DST: variants seen among roughly 807,000 people sequenced by gnomAD.
DST encodes bullous pemphigoid antigen.
DST carries 253 observed loss-of-function variants against 875.2 expected under a neutral mutation model. The observed-to-expected ratio is 0.29, with a 90% CI of 0.26 to 0.32. DST has a LOEUF of 0.32. Among genes scored for constraint, DST ranks in the 10% least tolerant of loss-of-function variants. The pLI, the probability that DST is intolerant of heterozygous loss-of-function variation, is 1.00. For synonymous variants in DST, 3,124 were observed against 3,197.1 expected (o/e 0.98, Z 0.77); for missense variants, 8,287 against 9,111.6 (o/e 0.91, Z 3.68).
At chr6:56,669,285 A>C (rs937434582) in intron 10 of DST, among the ~76,000 whole-genome samples, 9 of 148,082 alleles carry the variant, frequency 6.1e-5, no homozygotes, top group Non-Finnish European at 1.3e-4. Context: ...TATTTGTAAA[A>C]CCAAAAAAAA....
At chr6:56,889,767 G>A (rs1437023579) in intron 3 of DST, among the ~76,000 whole-genome samples, 2 of 152,140 alleles carry the variant, frequency 1.3e-5, no homozygotes, top group Non-Finnish European at 2.9e-5. Context: ...GGGTCTGAAA[G>A]TTGTACATTA....
chr6:56,639,661 T>A (rs1205920993), intron 20 of DST, 35 bp downstream of exon 20: 9 of 1,612,298 alleles, frequency 5.6e-6, no homozygotes, highest in Non-Finnish European at 7.6e-6. Context: ...CAAATATAGA[T>A]AAGGGAAACA....
intron 49 of DST, among the ~76,000 whole-genome samples, chr6:56,587,530 G>A (rs1369383900): frequency 1.3e-5 from 2 of 152,018 alleles, no homozygotes; most frequent in Admixed American, 1.3e-4. Context: ...AGCAAGGCAG[G>A]CCAACATTCA....
chr6:56,703,792 C>A (rs964927539), intron 6 of DST, 46 bp from the exon 7 acceptor site: 4 of 700,992 alleles, frequency 5.7e-6, no homozygotes, highest in Non-Finnish European at 7.0e-6. Flanking sequence ...AGACACAAGA[C>A]AGACCAGAAA....
At chr6:56,871,127 A>T in intron 3 of DST, 1 of 608,560 alleles carries the variant, frequency 1.6e-6, no homozygotes, top group East Asian at 2.8e-5. Flanking sequence ...AAAAGATATA[A>T]ACATATGAAA....
intron 50 of DST, 135 bp downstream of exon 50, chr6:56,578,679 C>A (rs1314860239): frequency 1.1e-6 from 1 of 875,694 alleles, no homozygotes; most frequent in Admixed American, 2.8e-5. Flanking sequence ...TTCCCAGATG[C>A]AGGAACACCA....
intron 98 of DST, among the ~76,000 whole-genome samples, chr6:56,468,099 G>C (rs2094678185): frequency 6.6e-6 from 1 of 152,018 alleles, no homozygotes; most frequent in Non-Finnish European, 1.5e-5. Context: ...AAATGGAGTG[G>C]CAGAGTCATA....
rs75902303 is a variant in DST, at chr6:56,701,658, A to G, written c.954+230T>C. Among the ~76,000 whole-genome samples the G allele has an allele frequency of 4.6e-5, 7 of 152,318 alleles. No homozygotes were observed. In the East Asian group the frequency reaches 1.3e-3, roughly 29 times the overall value. On this transcript the variant is annotated intron_variant, in intron 8 of 103. Transcript: ENST00000680361. ...CAGAAAGAAAATCACAAGTTCTTAC[A>G]TAGATGGAAATGTAGTCACTTATAA...
chr6:56,600,285 GCTT>G (rs1011896124), intron 44 of DST, 64 bp from the exon 45 acceptor site: 4 of 1,475,938 alleles, frequency 2.7e-6, no homozygotes, highest in Non-Finnish European at 3.7e-6. Flanking sequence ...TATTGTGATA[GCTT>G]CTTATTAGAA....
chr6:56,505,334 GGCT>G (rs1197973362), intron 77 of DST, among the ~76,000 whole-genome samples: 1 of 152,070 alleles, frequency 6.6e-6, no homozygotes, highest in Non-Finnish European at 1.5e-5. Flanking sequence ...CCTCCTAAAT[GGCT>G]GCATGTGGTG....
chr6:56,631,859 T>C (rs908639230), intron 29 of DST, 24 bp downstream of exon 29: 4 of 1,612,248 alleles, frequency 2.5e-6, no homozygotes, highest in Admixed American at 3.3e-5. Context: ...TTAGTTTTTT[T>C]CCCAACATAT....
chr6:56,874,712 C>T (rs1285859715), intron 3 of DST, among the ~76,000 whole-genome samples: 3 of 152,158 alleles, frequency 2.0e-5, no homozygotes, highest in African/African-American at 7.2e-5. Flanking sequence ...CCGTTCTAAT[C>T]GCTCCACATG....
At chr6:56,779,394 TC>T (rs1381193107) in intron 4 of DST, among the ~76,000 whole-genome samples, 6 of 152,212 alleles carry the variant, frequency 3.9e-5, no homozygotes, top group African/African-American at 1.4e-4. Flanking sequence ...TTTAAATAGA[TC>T]CCATTTGTCA....
At chr6:56,672,759 T>C (rs1326440457) in intron 9 of DST, among the ~76,000 whole-genome samples, 2 of 152,216 alleles carry the variant, frequency 1.3e-5, no homozygotes, top group Admixed American at 1.3e-4. Flanking sequence ...CGCAAATGCA[T>C]AATACAGATG....
Position 56,552,878 on chromosome 6 carries a change from T to G in DST, c.15914A>C (p.Gln5305Pro). 3 of 1,613,994 alleles carry G rather than the reference T, an allele frequency of 1.9e-6. No homozygotes were observed. Among genetic ancestry groups the G allele is most frequent in the Non-Finnish European group, 2.5e-6 (3 of 1,179,892 alleles). Reference sequence around the variant, plus strand: ...GGTCAGGTATTTGTTACTGTAAGCCTGGGATCCCAGCGAATCATGGATATC... The same window carrying G: ...GGTCAGGTATTTGTTACTGTAAGCCGGGGATCCCAGCGAATCATGGATATC... The part of the protein sequence containing the change: ...QLDIHDSLGS[Q>P]AYSNKYLTML... Residue 5305 changes from glutamine (Q) to proline (P), a missense_variant, in exon 61 of 104, where the codon CAG becomes CCG. This residue lies in a region of DST where 1,513 missense variants were observed against 1,677.8 expected (regional missense o/e 0.90). Coordinates refer to ENST00000680361, the MANE Select transcript of DST (RefSeq NM_001374736.1).
intron 2 of DST, among the ~76,000 whole-genome samples, chr6:56,941,054 T>C (rs1171409756): frequency 1.3e-5 from 2 of 152,140 alleles, no homozygotes; most frequent in African/African-American, 4.8e-5. Flanking sequence ...TTACCTTTAT[T>C]ATGTCCTTCT....
intron 4 of DST, among the ~76,000 whole-genome samples, chr6:56,804,981 T>C (rs754229511): frequency 2.4e-4 from 37 of 152,064 alleles, no homozygotes; most frequent in Non-Finnish European, 4.4e-4. Flanking sequence ...ATAAAGATCA[T>C]TTCCATATTT....
intron 37 of DST, among the ~76,000 whole-genome samples, chr6:56,612,247 C>A (rs1461671136): frequency 6.6e-6 from 1 of 152,140 alleles, no homozygotes; most frequent in African/African-American, 2.4e-5. Flanking sequence ...TGGCTCATGC[C>A]TGTAGTCCAA....
rs766411960 is a variant in DST at position 56,597,885 on chromosome 6, T to C, written c.12050A>G (p.Gln4017Arg). Reference sequence around the variant, plus strand: ...ACCTTCTTGAAAATGGGTCCCGTTCTGTTCGATTACCTGTTTGTGTTTTGT... The same window carrying C: ...ACCTTCTTGAAAATGGGTCCCGTTCCGTTCGATTACCTGTTTGTGTTTTGT... ...AGTKHKQVIE[Q>R]NGTHFQEGDG... Residue 4017 changes from glutamine (Q) to arginine (R), a missense_variant, in exon 47 of 104, where the codon CAG becomes CGG. Around this residue, in one of 10 missense-constraint regions of DST, gnomAD observed 1,513 missense variants for 1,677.8 expected, o/e 0.90. Transcript: ENST00000680361. 6.2e-7 allele frequency: 1 copy of C among 1,613,544 alleles called. No individual in the cohort carries two copies. Among genetic ancestry groups the C allele is most frequent in the South Asian group, 1.1e-5 (1 of 90,936 alleles).
Sources: allele counts gnomAD v4.1 joint callset (sites outside exome capture counted in the v4.1 genomes callset), GRCh38; gene constraint gnomAD v4.1.1; regional missense constraint gnomAD v4.1.1; transcripts MANE v1.5; gene names NCBI Gene and HGNC (gene_info 2026-07-23, HGNC 2026-07-21).